CNGB3: variants seen among roughly 807,000 people sequenced by gnomAD.
CNGB3 encodes cyclic nucleotide gated channel subunit beta 3, also known as cyclic nucleotide-gated channel beta-3.
In CNGB3, 86 loss-of-function variants were observed where a neutral mutation model predicts 92.8. The ratio of observed to expected loss-of-function variants is 0.93; its 90% CI spans 0.78 to 1.11. The LOEUF (loss-of-function observed/expected upper bound fraction) is 1.11, where lower values mean the gene tolerates loss of function less well. Ranked by LOEUF, CNGB3 falls within the 50% of genes least tolerant of loss-of-function variation. The pLI is 0.00. For missense variants in CNGB3, 1,026 were observed against 956.8 expected, an observed-to-expected ratio of 1.07 and a Z score of -0.95; for synonymous variants, 333 against 332.7, an observed-to-expected ratio of 1.00 and a Z score of -0.01.
rs372088889 is a variant in CNGB3 at position 86,685,871 on chromosome 8, TA to T, written c.339-14774del. ...ACATTTAGAATACATGGAACACAAC[TA>T]AATAAGAATATAGTTATTAGGGTTT... On this transcript the variant is annotated intron_variant, in intron 3 of 17. Transcript: ENST00000320005. 2.5e-4 allele frequency among the ~76,000 whole-genome samples: 38 copies of T among 152,210 alleles called. No homozygotes were observed. The East Asian group carries it at 7.1e-3, about 29-fold the overall frequency.
intron 1 of CNGB3, among the ~76,000 whole-genome samples, chr8:86,741,167 G>A (rs977750012): frequency 1.3e-5 from 2 of 152,090 alleles, no homozygotes; most frequent in African/African-American, 4.8e-5. Context: ...TTGCTTATAA[G>A]ACTCTAATCA....
intron 10 of CNGB3, among the ~76,000 whole-genome samples, chr8:86,643,278 G>A (rs911443518): frequency 5.3e-5 from 8 of 151,486 alleles, no homozygotes; most frequent in African/African-American, 1.7e-4. Flanking sequence ...TGTATACAAT[G>A]CATAGTGATC....
chr8:86,726,327 G>T (rs957904825), intron 3 of CNGB3, among the ~76,000 whole-genome samples: 1 of 152,148 alleles, frequency 6.6e-6, no homozygotes, highest in Non-Finnish European at 1.5e-5. Context: ...TAGGGATATT[G>T]GTTAGTGGCC....
chr8:86,621,702 G>T (rs1297710218), intron 13 of CNGB3, among the ~76,000 whole-genome samples: 1 of 151,998 alleles, frequency 6.6e-6, no homozygotes, highest in African/African-American at 2.4e-5. Context: ...CATCCTCATA[G>T]CTTAGCTCCC....
intron 11 of CNGB3, 127 bp downstream of exon 11, chr8:86,632,625 A>G: frequency 1.0e-6 from 1 of 961,528 alleles, no homozygotes; most frequent in Non-Finnish European, 1.6e-6. Context: ...TCATTAAAAT[A>G]GAAGAAAGTT....
chr8:86,669,001 A>G (rs1349001886), intron 4 of CNGB3, among the ~76,000 whole-genome samples: 3 of 152,320 alleles, frequency 2.0e-5, no homozygotes, highest in African/African-American at 7.2e-5. Flanking sequence ...CCTGGGTGAC[A>G]GAGCAAGACC....
At chr8:86,719,035 C>T (rs1824916014) in intron 3 of CNGB3, among the ~76,000 whole-genome samples, 1 of 151,766 alleles carries the variant, frequency 6.6e-6, no homozygotes, top group African/African-American at 2.4e-5. Flanking sequence ...GTAATAAAAG[C>T]CATCTATGAT....
At chr8:86,659,008 C>T (rs1480762457) in intron 6 of CNGB3, 5 of 1,040,316 alleles carry the variant, frequency 4.8e-6, no homozygotes, top group Non-Finnish European at 7.4e-6. Context: ...CCCTCCAGCT[C>T]CTTCCGCAGG....
intron 3 of CNGB3, among the ~76,000 whole-genome samples, chr8:86,690,210 C>T (rs1433989333): frequency 6.6e-6 from 1 of 152,184 alleles, no homozygotes; most frequent in East Asian, 1.9e-4. Context: ...TTCTCCACAT[C>T]CTCTCCAGCA....
intron 8 of CNGB3, among the ~76,000 whole-genome samples, chr8:86,646,000 T>A (rs904364130): frequency 4.0e-5 from 6 of 151,130 alleles, no homozygotes; most frequent in Non-Finnish European, 7.4e-5. Context: ...ACTGTCAGGA[T>A]CTCCTATATT....
chr8:86,597,498 T>C (rs1822197885), intron 15 of CNGB3, among the ~76,000 whole-genome samples: 1 of 152,094 alleles, frequency 6.6e-6, no homozygotes, highest in African/African-American at 2.4e-5. Context: ...TGGATGAAAG[T>C]GTACAGCAGG....
intron 4 of CNGB3, among the ~76,000 whole-genome samples, chr8:86,668,545 T>C (rs548754869): frequency 3.3e-5 from 5 of 152,314 alleles, no homozygotes; most frequent in African/African-American, 1.2e-4. Flanking sequence ...CCTCTTTTGA[T>C]ACAGACAGAT....
At chr8:86,724,474 T>C (rs1035387976) in intron 3 of CNGB3, among the ~76,000 whole-genome samples, 1 of 152,130 alleles carries the variant, frequency 6.6e-6, no homozygotes, top group African/African-American at 2.4e-5. Flanking sequence ...GATCAATCAA[T>C]TCATTTGTTA....
chr8:86,657,957 G>A (rs373035083), intron 6 of CNGB3: 57 of 553,528 alleles, frequency 1.0e-4, no homozygotes, highest in African/African-American at 9.3e-4. Context: ...CCTCACTGAT[G>A]ACGTCTGTCT....
rs1197733542 is a variant in CNGB3 at position 86,574,820 on chromosome 8, C to T, written c.*984G>A. On this transcript the variant is annotated 3_prime_UTR_variant, in exon 18 of 18. Coordinates refer to ENST00000320005, the MANE Select transcript of CNGB3 (RefSeq NM_019098.5). ...CATGAGGACAACTTCCTAAAGTGCC[C>T]TTAATTAACTTGGAGATTTTGTAAA... 3 of 152,156 alleles carry T rather than the reference C, an allele frequency of 2.0e-5. No homozygotes were observed. 9.4% of individuals were successfully genotyped at this position (152,156 alleles called of 1,614,324 possible). A position where few individuals can be genotyped will look rare whatever the true frequency, so the allele number is the denominator to read the frequency against.
At chr8:86,683,629 A>G (rs773887610) in intron 3 of CNGB3, among the ~76,000 whole-genome samples, 8 of 152,164 alleles carry the variant, frequency 5.3e-5, no homozygotes, top group Non-Finnish European at 1.2e-4. Context: ...TCACTGCCCT[A>G]AGTCTTGATT....
chr8:86,649,404 C>T (rs1379917848), intron 7 of CNGB3, among the ~76,000 whole-genome samples: 2 of 150,968 alleles, frequency 1.3e-5, no homozygotes, highest in African/African-American at 4.8e-5. Context: ...CATTACACTA[C>T]CAGACTTATA....
chr8:86,582,334 C>A (rs1003171186), intron 15 of CNGB3, among the ~76,000 whole-genome samples: 1 of 149,926 alleles, frequency 6.7e-6, no homozygotes, highest in Non-Finnish European at 1.5e-5. Flanking sequence ...GTGGAGGTTG[C>A]GGTGAGCCAA....
intron 10 of CNGB3, among the ~76,000 whole-genome samples, chr8:86,642,800 C>CT (rs1239440514): frequency 6.6e-6 from 1 of 151,562 alleles, no homozygotes; most frequent in Non-Finnish European, 1.5e-5. Context: ...TTCAAGTGAT[C>CT]TTTTTTTATT....
Sources: gnomAD v4.1 joint callset for allele counts (sites outside exome capture counted in the v4.1 genomes callset) on GRCh38, gnomAD v4.1.1 for gene constraint, MANE v1.5 for transcripts, NCBI Gene and HGNC (gene_info 2026-07-23, HGNC 2026-07-21) for gene names.